Variants in CAST observed in about 807,000 individuals in gnomAD.
CAST encodes calpastatin.
CAST carries 76 observed loss-of-function variants against 119.6 expected under a neutral mutation model. The observed-to-expected ratio is 0.64, with a 90% confidence interval of 0.53 to 0.77. CAST has a LOEUF of 0.77. CAST is among the 30% of genes least tolerant of loss of function. The probability of loss-of-function intolerance (pLI) is 0.00; values close to 1 mark genes in which losing one functional copy is unlikely to be tolerated. For missense variants in CAST, 953 were observed against 946.5 expected, an observed-to-expected ratio of 1.01 and a Z score of -0.09; for synonymous variants, 319 against 331.6, an observed-to-expected ratio of 0.96 and a Z score of 0.41.
At chr5:96,528,228 C>T (rs893720224), upstream of CAST, among the ~76,000 whole-genome samples, 3 of 152,116 alleles carry the variant, frequency 2.0e-5, no homozygotes, top group African/African-American at 7.2e-5. Context: ...AGAGCTCAAA[C>T]TCATTCAGCC....
At chr5:95,987,498 G>A in the CAST span, among the ~76,000 whole-genome samples, 1 of 152,138 alleles carries the variant, frequency 6.6e-6, no homozygotes, top group Non-Finnish European at 1.5e-5. Flanking sequence ...CTGGGGAGTG[G>A]GACCTGGGGA....
chr5:96,667,623 G>T (rs1749508749), intron 1 of CAST, among the ~76,000 whole-genome samples: 1 of 152,180 alleles, frequency 6.6e-6, no homozygotes, highest in Non-Finnish European at 1.5e-5. Flanking sequence ...TAGAAAAAAC[G>T]AACACTTGGG....
the CAST span, chr5:96,410,867 G>A: frequency 2.2e-5 from 35 of 1,613,888 alleles, no homozygotes; most frequent in Non-Finnish European, 2.8e-5. Context: ...CTTGCTGGGA[G>A]GCACTGCTGA....
intron 1 of CAST, 39 bp downstream of exon 1, chr5:96,662,536 TG>T: frequency 7.5e-7 from 1 of 1,341,138 alleles, no homozygotes; most frequent in Non-Finnish European, 9.5e-7. Context: ...GGCTGGGCGA[TG>T]GGGTACCGGG....
chr5:96,112,568 C>G, the CAST span, among the ~76,000 whole-genome samples: 1 of 152,048 alleles, frequency 6.6e-6, no homozygotes, highest in East Asian at 1.9e-4. Context: ...AAATGAATAA[C>G]TGGGGTAAGT....
the CAST span, among the ~76,000 whole-genome samples, chr5:96,039,377 A>AT: frequency 6.6e-6 from 1 of 152,138 alleles, no homozygotes; most frequent in Non-Finnish European, 1.5e-5. Flanking sequence ...CTTTAGTTTA[A>AT]TTAGATCCAG....
At chr5:96,305,681 G>A in the CAST span, among the ~76,000 whole-genome samples, 32 of 152,162 alleles carry the variant, frequency 2.1e-4, no homozygotes, top group East Asian at 7.7e-4. Context: ...GAATTTTGTC[G>A]AAGGCCTTTT....
chr5:96,196,138 A>C, the CAST span, among the ~76,000 whole-genome samples: 1 of 152,120 alleles, frequency 6.6e-6, no homozygotes, highest in East Asian at 1.9e-4. Flanking sequence ...TCAACCATTA[A>C]TGGAAGGCTG....
intron 1 of CAST, among the ~76,000 whole-genome samples, chr5:96,593,014 C>A (rs946409216): frequency 6.6e-6 from 1 of 152,228 alleles, no homozygotes; most frequent in Non-Finnish European, 1.5e-5. Flanking sequence ...ATCCGCCCGC[C>A]TCGGCCTCCC....
intron 25 of CAST, among the ~76,000 whole-genome samples, chr5:96,763,772 G>A (rs1342847762): frequency 6.6e-6 from 1 of 152,142 alleles, no homozygotes; most frequent in Non-Finnish European, 1.5e-5. Flanking sequence ...GAAAGCATTT[G>A]AAGACATGAT....
the CAST span, among the ~76,000 whole-genome samples, chr5:96,437,511 C>T: frequency 6.6e-6 from 1 of 152,204 alleles, no homozygotes; most frequent in Non-Finnish European, 1.5e-5. Flanking sequence ...GTATTAAACT[C>T]TCAGTGCATA....
chr5:96,377,720 T>A, the CAST span, among the ~76,000 whole-genome samples: 1 of 152,312 alleles, frequency 6.6e-6, no homozygotes, highest in Non-Finnish European at 1.5e-5. Context: ...ACTGTATATA[T>A]GTGCAACTAT....
the CAST span, among the ~76,000 whole-genome samples, chr5:96,467,630 C>A: frequency 4.6e-5 from 7 of 151,964 alleles, no homozygotes; most frequent in African/African-American, 9.7e-5. Context: ...GATGTCTGAA[C>A]CTCCATGTCC....
At chr5:96,032,385 GA>G in the CAST span, among the ~76,000 whole-genome samples, 266 of 152,232 alleles carry the variant, frequency 1.7e-3, no homozygotes, top group African/African-American at 6.1e-3. Flanking sequence ...AAGCCAAAAA[GA>G]TCAGTTCAGT....
the CAST span, among the ~76,000 whole-genome samples, chr5:96,245,221 G>A: frequency 1.3e-5 from 2 of 152,072 alleles, no homozygotes; most frequent in Non-Finnish European, 2.9e-5. Flanking sequence ...TTTTTTCTTT[G>A]CTGAAGAAAA....
chr5:96,652,798 T>C (rs1381374672), intron 1 of CAST, among the ~76,000 whole-genome samples: 2 of 152,134 alleles, frequency 1.3e-5, no homozygotes, highest in Non-Finnish European at 2.9e-5. Context: ...ATGACAGAAA[T>C]TGGTGGTCAC....
the CAST span, among the ~76,000 whole-genome samples, chr5:96,365,357 G>A: frequency 5.3e-5 from 8 of 152,306 alleles, no homozygotes; most frequent in South Asian, 6.2e-4. Context: ...GTGCAGAGCT[G>A]AGTTCAATTC....
At chr5:96,504,405 CACACAGGAACCAGCTTGA>C in the CAST span, among the ~76,000 whole-genome samples, 1 of 152,204 alleles carries the variant, frequency 6.6e-6, no homozygotes, top group Non-Finnish European at 1.5e-5. Context: ...CATTTCCACC[CACACAGGAACCAGCTTGA>C]AATGTCAGAT....
At chr5:96,647,968 A>G (rs73136673) in intron 1 of CAST, among the ~76,000 whole-genome samples, 2,794 of 152,336 alleles carry the variant, frequency 0.018, 96 homozygotes, top group African/African-American at 0.062. Context: ...ACTTTCTCCA[A>G]TTCTTTCCTA....
Sources: gnomAD v4.1 joint callset for allele counts (sites outside exome capture counted in the v4.1 genomes callset) on GRCh38, gnomAD v4.1.1 for gene constraint, MANE v1.5 for transcripts, NCBI Gene and HGNC (gene_info 2026-07-23, HGNC 2026-07-21) for gene names.